Variants in AK6 observed in about 807,000 individuals in gnomAD.
AK6 encodes adenylate kinase 6, also known as adenylate kinase isoenzyme 6.
In AK6, 24 loss-of-function variants were observed where a neutral mutation model predicts 23.7. The observed-to-expected ratio is 1.01, with a 90% CI of 0.73 to 1.43. AK6 has a LOEUF of 1.43. Ranked by LOEUF, AK6 falls within the 40% of genes most tolerant of loss-of-function variation. The pLI, the probability that AK6 is intolerant of heterozygous loss-of-function variation, is 0.00. For missense variants in AK6, 191 were observed against 199.1 expected (o/e 0.96, Z 0.24); for synonymous variants, 73 against 69.8 (o/e 1.05, Z -0.23).
chr5:69,356,007 A>T, intron 2 of AK6, 54 bp from the exon 3 acceptor site: 1 of 1,450,356 alleles, frequency 6.9e-7, no homozygotes, highest in East Asian at 2.3e-5. Context: ...ACTTTAAGTA[A>T]TTTTCAATTA....
chr5:69,359,326 C>A (rs543991957), intron 2 of AK6, among the ~76,000 whole-genome samples: 1 of 152,136 alleles, frequency 6.6e-6, no homozygotes, highest in South Asian at 2.1e-4. Flanking sequence ...CTCACTGCAA[C>A]CTCCGTCTCC....
chr5:69,369,234 C>CG (rs1298305077), intron 1 of AK6: 4 of 70,984 alleles, frequency 5.6e-5, no homozygotes, highest in South Asian at 3.7e-4. Flanking sequence ...CCACCCCCCC[C>CG]CGCCCCCCCC....
intron 4 of AK6, 132 bp downstream of exon 4, chr5:69,355,517 A>G (rs1422431884): frequency 2.1e-6 from 2 of 968,400 alleles, no homozygotes; most frequent in Non-Finnish European, 1.5e-6. Context: ...GGTGACAGCG[A>G]GACTCTATCT....
rs4252219 is a variant in AK6, at chr5:69,368,951, C to A, written c.28+512G>T. On this transcript the variant is annotated intron_variant, in intron 1 of 4. Coordinates refer to ENST00000380822, the MANE Select transcript of AK6 (RefSeq NM_016283.5). Reference sequence around the variant, plus strand: ...ACAAAAGCATACAGCAATTTCGTCACGTCACAAACATCTGAACTCGTTTAC... The same window carrying A: ...ACAAAAGCATACAGCAATTTCGTCAAGTCACAAACATCTGAACTCGTTTAC... 5.1e-3 allele frequency: 794 copies of A among 156,088 alleles called. 4 individuals are homozygous for A. Among genetic ancestry groups the A allele is most frequent in the Non-Finnish European group, 7.9e-3 (557 of 70,696 alleles). 9.7% of individuals were successfully genotyped at this position (156,088 alleles called of 1,614,324 possible). A position where few individuals can be genotyped will look rare whatever the true frequency, so the allele number is the denominator to read the frequency against.
At chr5:69,358,510 T>C (rs1762140990) in intron 2 of AK6, among the ~76,000 whole-genome samples, 1 of 108,490 alleles carries the variant, frequency 9.2e-6, no homozygotes, top group African/African-American at 3.6e-5. Flanking sequence ...AGAGCAAGAC[T>C]CTGTCTCAAA....
Position 69,368,660 on chromosome 5 carries a change from CAA to C in AK6, c.28+801_28+802del, listed in dbSNP as rs1231826641. Among the ~76,000 whole-genome samples the C allele has an allele frequency of 3.9e-5, 6 of 152,232 alleles. No individual in the cohort carries two copies. The East Asian group carries it at 9.6e-4, about 24-fold the overall frequency. On this transcript the variant is annotated intron_variant, in intron 1 of 4. Transcript: ENST00000380822. ...GAATGATGTAACTTTACTGTTCCCA[CAA>C]AGAGTCTTAATTTTTCTGTACCTTG...
In AK6 at chr5:69,365,160, G is replaced by A. The variant is rs767130876; in HGVS notation, c.121+1343C>T. On this transcript the variant is annotated intron_variant, in intron 2 of 4. Transcript: ENST00000380822. ...AGCTTTTACAGCTGGAGACTGAGAA[G>A]TAGGCATCTGTACTGTAAACCTTTG... is the stretch of plus-strand genomic sequence containing the variant. 3 of 1,614,228 alleles carry A rather than the reference G, an allele frequency of 1.9e-6. No homozygotes were observed. In the South Asian group the frequency reaches 3.3e-5, roughly 18 times the overall value.
chr5:69,365,097 A>G (rs1030122419), intron 2 of AK6: 23 of 1,614,246 alleles, frequency 1.4e-5, no homozygotes, highest in Non-Finnish European at 1.9e-5. Flanking sequence ...TGATGGATTA[A>G]TCAGAACATT....
intron 2 of AK6, among the ~76,000 whole-genome samples, chr5:69,363,343 G>A (rs1048631850): frequency 1.3e-5 from 2 of 152,208 alleles, no homozygotes; most frequent in African/African-American, 2.4e-5. Flanking sequence ...TGCTATTAAT[G>A]CTCTAATTAG....
chr5:69,351,808 AG>A lies in AK6; in HGVS notation c.*252del, dbSNP rs1761955760. 1 of 335,062 alleles carries A rather than the reference AG, an allele frequency of 3.0e-6. No individual in the cohort carries two copies. The allele number at this position is 335,062 out of a possible 1,614,324, so 20.8% of individuals were successfully genotyped here. ...TTAAAAGATATCCACCCATTTTGTCAGATTTATTTATTCTTTAGCAATTTAA... is the reference window on the plus strand; with the variant it reads ...TTAAAAGATATCCACCCATTTTGTCAATTTATTTATTCTTTAGCAATTTAA... On this transcript the variant is annotated 3_prime_UTR_variant, in exon 5 of 5. Coordinates refer to ENST00000380822, the MANE Select transcript of AK6 (RefSeq NM_016283.5).
chr5:69,358,889 A>AT (rs1561215591), intron 2 of AK6, among the ~76,000 whole-genome samples: 1 of 152,122 alleles, frequency 6.6e-6, no homozygotes. Context: ...TTTGCAGTTT[A>AT]TTTTTTTAAA....
rs1057503631 is a variant in AK6 at position 69,369,231 on chromosome 5, C to T, written c.28+232G>A. 54 of 99,358 alleles carry T rather than the reference C, an allele frequency of 5.4e-4. 1 individual carries two copies. Among genetic ancestry groups the T allele is most frequent in the Non-Finnish European group, 9.7e-4 (40 of 41,424 alleles). 6.2% of individuals were successfully genotyped at this position (99,358 alleles called of 1,614,324 possible). On this transcript the variant is annotated intron_variant, in intron 1 of 4. Transcript: ENST00000380822. Reference sequence around the variant, plus strand: ...GGATCTGCCGACCTCTCTCCACCCCCCCCCGCCCCCCCCCGGAGCCTCAGG... The same window carrying T: ...GGATCTGCCGACCTCTCTCCACCCCTCCCCGCCCCCCCCCGGAGCCTCAGG...
chr5:69,367,782 C>G (rs771066809), intron 1 of AK6: 6 of 152,140 alleles, frequency 3.9e-5, no homozygotes, highest in Admixed American at 2.6e-4. Flanking sequence ...TGAGCTCAAG[C>G]GATCTCCCCA....
intron 2 of AK6, among the ~76,000 whole-genome samples, chr5:69,359,006 C>T (rs1338405407): frequency 6.6e-6 from 1 of 151,170 alleles, no homozygotes; most frequent in South Asian, 2.1e-4. Flanking sequence ...TTTCAGAGGC[C>T]GAGGTGGGAG....
intron 4 of AK6, among the ~76,000 whole-genome samples, chr5:69,354,630 A>G (rs370473539): frequency 7.5e-4 from 114 of 152,256 alleles, no homozygotes; most frequent in African/African-American, 2.6e-3. Flanking sequence ...CTGATGCTCT[A>G]TTTGTGGGTT....
intron 2 of AK6, chr5:69,365,322 GAA>G: frequency 6.2e-7 from 1 of 1,614,238 alleles, no homozygotes; most frequent in Non-Finnish European, 8.5e-7. Context: ...TCTTCCCGCA[GAA>G]GTTGATGCCT....
At chr5:69,364,349 A>T (rs573366893) in intron 2 of AK6, among the ~76,000 whole-genome samples, 3 of 152,106 alleles carry the variant, frequency 2.0e-5, no homozygotes, top group South Asian at 2.1e-4. Flanking sequence ...GACACTTATA[A>T]ATTTTTTTTT....
chr5:69,369,514 G>C lies in AK6; in HGVS notation c.-24C>G, dbSNP rs201882501. On this transcript the variant is annotated 5_prime_UTR_variant, in exon 1 of 5. Transcript: ENST00000380822. Reference sequence around the variant, plus strand: ...ATGGTCCCCGCCGCGACGGCTTCGGGCGCCTCGCTCACGTGCCCTTTGCTC... The same window carrying C: ...ATGGTCCCCGCCGCGACGGCTTCGGCCGCCTCGCTCACGTGCCCTTTGCTC... 1 of 1,611,372 alleles carries C rather than the reference G, an allele frequency of 6.2e-7. No individual in the cohort carries two copies. Among genetic ancestry groups the C allele is most frequent in the Admixed American group, 1.7e-5 (1 of 59,952 alleles).
chr5:69,369,173 G>A lies in AK6; in HGVS notation c.28+290C>T, dbSNP rs2150748294. The A allele has an allele frequency of 6.1e-6, 3 of 490,082 alleles. No homozygotes were observed. The South Asian group carries it at 1.0e-4, about 17-fold the overall frequency. 30.4% of individuals were successfully genotyped at this position (490,082 alleles called of 1,614,324 possible). On this transcript the variant is annotated intron_variant, in intron 1 of 4. Coordinates refer to ENST00000380822, the MANE Select transcript of AK6 (RefSeq NM_016283.5). Reference sequence around the variant, plus strand: ...TTTTACAAACGAAATACCAGATTCAGAAAGACTAAGCAGGTTGCCAAGCTG... The same window carrying A: ...TTTTACAAACGAAATACCAGATTCAAAAAGACTAAGCAGGTTGCCAAGCTG...
Sources: gnomAD v4.1 joint callset for allele counts (sites outside exome capture counted in the v4.1 genomes callset) on GRCh38, gnomAD v4.1.1 for gene constraint, MANE v1.5 for transcripts, NCBI Gene and HGNC (gene_info 2026-07-23, HGNC 2026-07-21) for gene names.